ZNF654: variants seen among roughly 807,000 people sequenced by gnomAD.
The protein encoded by ZNF654 is melanoma-associated antigen.
ZNF654 carries 19 observed loss-of-function variants against 95.3 expected under a neutral mutation model. That is an observed-to-expected ratio of 0.20 (90% CI 0.14 to 0.29). The LOEUF is 0.29. ZNF654 is among the 10% of genes least tolerant of loss of function. The pLI is 1.00. For missense variants in ZNF654, 1,046 were observed against 1,341.0 expected (o/e 0.78, Z 3.44); for synonymous variants, 413 against 457.9 (o/e 0.90, Z 1.25).
chr3:88,088,753 T>TGG (rs1559701594), intron 2 of ZNF654, among the ~76,000 whole-genome samples: 1,805 of 118,088 alleles, frequency 0.015, 30 homozygotes, highest in African/African-American at 0.047. Flanking sequence ...TTTATGTATG[T>TGG]ATGTATGTAT....
chr3:88,084,876 G>A (rs933160600), intron 1 of ZNF654, among the ~76,000 whole-genome samples: 8 of 152,180 alleles, frequency 5.3e-5, no homozygotes, highest in African/African-American at 1.9e-4. Flanking sequence ...TTTCATCACA[G>A]TTGAGGAACC....
rs761241273 is a variant in ZNF654, at chr3:88,140,502, C to T, written c.2833C>T (p.Arg945Cys). ...TDSLVQNGNE[R>C]SDDTVSNISL... ...CAGTTTAGTTCAGAATGGAAACGAACGTTCTGATGACACTGTTTCAAATAT... is the reference window on the plus strand; with the variant it reads ...CAGTTTAGTTCAGAATGGAAACGAATGTTCTGATGACACTGTTTCAAATAT... The change falls in exon 8 of 9, where the codon CGT (arginine) becomes TGT (cysteine). Residue 945 changes from arginine to cysteine, a missense_variant. Arg to Cys is a radical substitution (Grantham distance 180, BLOSUM62 -3). Coordinates refer to ENST00000636215, the MANE Select transcript of ZNF654 (RefSeq NM_001350134.2). 1.4e-5 allele frequency: 22 copies of T among 1,613,536 alleles called. No individual in the cohort carries two copies. Among genetic ancestry groups the T allele is most frequent in the South Asian group, 8.8e-5 (8 of 91,068 alleles).
intron 2 of ZNF654, among the ~76,000 whole-genome samples, chr3:88,090,659 TTCACCATTCAC>T (rs1444051876): frequency 2.6e-5 from 4 of 152,210 alleles, no homozygotes; most frequent in Non-Finnish European, 5.9e-5. Flanking sequence ...TTTACATTCA[TTCACCATTCAC>T]TCACTGACAC....
At chr3:88,068,014 A>T (rs1350792809) in intron 1 of ZNF654, among the ~76,000 whole-genome samples, 10 of 152,112 alleles carry the variant, frequency 6.6e-5, no homozygotes, top group African/African-American at 2.4e-4. Context: ...CCTGAAGGGG[A>T]GTAAGGACAA....
chr3:88,126,045 G>C, intron 3 of ZNF654, 89 bp from the exon 4 acceptor site: 1 of 1,259,714 alleles, frequency 7.9e-7, no homozygotes, highest in South Asian at 2.0e-5. Context: ...CTGCCTCACT[G>C]GCCATCAGTC....
At chr3:88,128,018 C>G (rs1387950150) in intron 4 of ZNF654, among the ~76,000 whole-genome samples, 1 of 152,124 alleles carries the variant, frequency 6.6e-6, no homozygotes, top group Admixed American at 6.5e-5. Context: ...TAAAATACTT[C>G]TGGATTCAAA....
At chr3:88,124,815 T>A (rs969695926) in intron 3 of ZNF654, among the ~76,000 whole-genome samples, 2 of 152,128 alleles carry the variant, frequency 1.3e-5, no homozygotes, top group African/African-American at 4.8e-5. Flanking sequence ...TCTAGTTTTT[T>A]CTTAACGCTT....
intron 4 of ZNF654, among the ~76,000 whole-genome samples, 159 bp from the exon 5 acceptor site, chr3:88,128,650 A>ATAAC (rs1230313333): frequency 1.4e-4 from 22 of 152,142 alleles, no homozygotes; most frequent in African/African-American, 4.8e-4. Flanking sequence ...TTCCAACCAT[A>ATAAC]TAACTGAATA....
rs547051642 is a variant in ZNF654, at chr3:88,124,268, C to A, written c.415-1866C>A. On this transcript the variant is annotated intron_variant, in intron 3 of 8. Transcript: ENST00000636215. ...AGTAGGTGTTTTAGTATCCATTTTA[C>A]AGAGGAATTGACTGATAGAGCAGAG... Among the ~76,000 whole-genome samples, 14 of 152,302 alleles carry A rather than the reference C, an allele frequency of 9.2e-5. No homozygotes were observed. The East Asian group carries it at 2.7e-3, about 29-fold the overall frequency.
intron 2 of ZNF654, among the ~76,000 whole-genome samples, chr3:88,086,847 A>T (rs1228770681): frequency 7.2e-5 from 11 of 152,176 alleles, no homozygotes; most frequent in Non-Finnish European, 1.5e-4. Flanking sequence ...CAGTGGTGCC[A>T]TCTCGGCTCA....
chr3:88,126,771 TTGAA>T (rs1706130947), intron 4 of ZNF654, among the ~76,000 whole-genome samples: 1 of 152,100 alleles, frequency 6.6e-6, no homozygotes, highest in Non-Finnish European at 1.5e-5. Flanking sequence ...TATTTGTTGA[TTGAA>T]TGAATGACCA....
At chr3:88,135,345 C>A in intron 7 of ZNF654, 143 bp downstream of exon 7, 1 of 564,930 alleles carries the variant, frequency 1.8e-6, no homozygotes, top group Non-Finnish European at 2.7e-6. Flanking sequence ...ATTACATTCT[C>A]CTCTGCCCTA....
intron 2 of ZNF654, among the ~76,000 whole-genome samples, chr3:88,098,709 A>G (rs1038565898): frequency 6.6e-6 from 1 of 152,232 alleles, no homozygotes; most frequent in African/African-American, 2.4e-5. Context: ...TCCAGCATAT[A>G]AACAGAACCA....
In ZNF654 at chr3:88,140,192, A is replaced by T. The variant is rs1433413017; in HGVS notation, c.2523A>T (p.Ile841=). 1.2e-6 allele frequency: 2 copies of T among 1,613,706 alleles called. No homozygotes were observed. The highest frequency in any genetic ancestry group is 1.1e-5 in the South Asian group (1 of 91,074). ...CCCAGCACACAAAAAGTCACAGGAT[A>T]TTTCAGGCTCAGTGTAGTTTTCCAG... ...QLAQHTKSHR[I]FQAQCSFPEC... is the part of the protein sequence containing the mutation. The change falls in exon 8 of 9, where the codon ATA becomes ATT. Residue 841 remains isoleucine, a synonymous_variant. Coordinates refer to ENST00000636215, the MANE Select transcript of ZNF654 (RefSeq NM_001350134.2).
chr3:88,073,232 T>A (rs1269021567), intron 1 of ZNF654, among the ~76,000 whole-genome samples: 6 of 151,896 alleles, frequency 4.0e-5, no homozygotes. Flanking sequence ...GGTCCAGCAA[T>A]CTGATTGTCA....
intron 7 of ZNF654, among the ~76,000 whole-genome samples, chr3:88,137,188 C>CTT (rs1322377130): frequency 1.3e-5 from 1 of 78,274 alleles, no homozygotes; most frequent in African/African-American, 5.0e-5. Flanking sequence ...GTGCGAGACT[C>CTT]TGTCTCAAAA....
chr3:88,112,531 TA>T (rs869182713), intron 2 of ZNF654, among the ~76,000 whole-genome samples: 1 of 55,820 alleles, frequency 1.8e-5, no homozygotes, highest in Non-Finnish European at 5.5e-5. Context: ...AAGGAGGAAC[TA>T]CAGAATTTGA....
At chr3:88,112,583 G>C (rs1705157744) in intron 2 of ZNF654, among the ~76,000 whole-genome samples, 1 of 151,992 alleles carries the variant, frequency 6.6e-6, no homozygotes, top group Non-Finnish European at 1.5e-5. Flanking sequence ...TAAGCTTAGT[G>C]TGAGGAACCA....
intron 1 of ZNF654, among the ~76,000 whole-genome samples, chr3:88,059,845 T>A (rs1320260037): frequency 1.3e-5 from 2 of 152,156 alleles, no homozygotes; most frequent in Non-Finnish European, 2.9e-5. Context: ...TTCTTATGTT[T>A]CCTACCCTGG....
Sources: gnomAD v4.1 joint callset for allele counts (sites outside exome capture counted in the v4.1 genomes callset) on GRCh38, gnomAD v4.1.1 for gene constraint, MANE v1.5 for transcripts, NCBI Gene and HGNC (gene_info 2026-07-23, HGNC 2026-07-21) for gene names.